The following DNER variants were observed in gnomAD, a reference collection of about 807,000 sequenced individuals.
The protein encoded by DNER is delta and Notch-like epidermal growth factor-related receptor.
DNER carries 33 observed loss-of-function variants against 78.2 expected under a neutral mutation model. The ratio of observed to expected loss-of-function variants is 0.42; its 90% CI spans 0.32 to 0.56. The LOEUF (loss-of-function observed/expected upper bound fraction) is 0.56. DNER is among the 20% of genes least tolerant of loss of function. The pLI is 0.11. For synonymous variants in DNER, 417 were observed against 384.8 expected (o/e 1.08, Z -0.98); for missense variants, 918 against 975.3 (o/e 0.94, Z 0.78).
chr2:229,547,176 T>C (rs1696644643), intron 4 of DNER, 84 bp from the exon 5 acceptor site: 10 of 1,538,894 alleles, frequency 6.5e-6, no homozygotes, highest in Non-Finnish European at 8.7e-6. Flanking sequence ...ACAGCCTTTC[T>C]ACAAGACTAT....
intron 10 of DNER, among the ~76,000 whole-genome samples, chr2:229,399,937 G>T (rs1305221667): frequency 2.0e-5 from 3 of 151,896 alleles, no homozygotes; most frequent in African/African-American, 7.2e-5. Context: ...AAAGGGGTCT[G>T]GGGGGGAGCT....
In DNER at chr2:229,358,136, C is replaced by T. The variant is rs954092930; in HGVS notation, c.*404G>A. ...GACTTCTTTTTAAGTAACGGGTATA[C>T]TCTATTATACATCATATGCTACGTT... On this transcript the variant is annotated 3_prime_UTR_variant, in exon 13 of 13. Transcript: ENST00000341772. 6.5e-6 allele frequency: 1 copy of T among 154,288 alleles called. No individual in the cohort carries two copies. The highest frequency in any genetic ancestry group is 2.4e-5 in the African/African-American group (1 of 41,468). The allele number at this position is 154,288 out of a possible 1,614,324, so 9.6% of individuals were successfully genotyped here. A position where few individuals can be genotyped will look rare whatever the true frequency, so the allele number is the denominator to read the frequency against.
At chr2:229,615,411 TA>T (rs765871543) in intron 1 of DNER, among the ~76,000 whole-genome samples, 2,757 of 116,410 alleles carry the variant, frequency 0.024, 71 homozygotes, top group African/African-American at 0.071. Context: ...AACTCCGTCT[TA>T]AAAAAAAAAA....
intron 6 of DNER, among the ~76,000 whole-genome samples, chr2:229,510,221 G>A (rs1020152396): frequency 2.6e-5 from 4 of 152,240 alleles, no homozygotes; most frequent in Non-Finnish European, 4.4e-5. Flanking sequence ...TCCTGGTGCA[G>A]AATGAGGCCA....
chr2:229,522,023 T>TA lies in DNER; in HGVS notation c.994-9088dup, dbSNP rs554085716. On this transcript the variant is annotated intron_variant, in intron 5 of 12. Transcript: ENST00000341772. ...TAATTGCAAATGTTGTAGCTTATTATAAAAAAAAAAGACAAGCGTAGAAAC... is the reference window on the plus strand; with the variant it reads ...TAATTGCAAATGTTGTAGCTTATTATAAAAAAAAAAAGACAAGCGTAGAAAC... Among the ~76,000 whole-genome samples the TA allele has an allele frequency of 2.0e-3, 292 of 148,038 alleles. 2 individuals carry two copies. Among genetic ancestry groups the TA allele is most frequent in the East Asian group, 4.7e-3 (24 of 5,080 alleles).
chr2:229,600,084 G>C (rs1436558411), intron 1 of DNER, among the ~76,000 whole-genome samples: 3 of 152,158 alleles, frequency 2.0e-5, no homozygotes, highest in Non-Finnish European at 4.4e-5. Context: ...TAGAAACCTG[G>C]ATCTTTCAAC....
chr2:229,362,997 C>T (rs73998208), intron 12 of DNER, among the ~76,000 whole-genome samples: 3,387 of 152,246 alleles, frequency 0.022, 111 homozygotes, highest in African/African-American at 0.077. Context: ...TGAACATGTC[C>T]TCCATTGTCT....
At chr2:229,646,678 C>T (rs1489598969) in intron 1 of DNER, among the ~76,000 whole-genome samples, 2 of 152,228 alleles carry the variant, frequency 1.3e-5, no homozygotes, top group Non-Finnish European at 2.9e-5. Context: ...TATTTTTGAC[C>T]TTGTGTTATT....
At chr2:229,362,625 A>G (rs938902478) in intron 12 of DNER, among the ~76,000 whole-genome samples, 1 of 152,198 alleles carries the variant, frequency 6.6e-6, no homozygotes. Flanking sequence ...GGGACTAATG[A>G]TACATGGTCC....
In DNER at chr2:229,418,307, C is replaced by T. The variant is rs1333955557; in HGVS notation, c.1487-77G>A. The T allele has an allele frequency of 3.2e-6, 5 of 1,587,228 alleles. No homozygotes were observed. In the African/African-American group the frequency reaches 6.7e-5, roughly 21 times the overall value. On this transcript the variant is annotated intron_variant, in intron 8 of 12. Transcript: ENST00000341772. ...ACGCGGGACCAGCCTGCAAGGAAGG[C>T]AGTTGGGGGTATTCATTAGAAAGTA...
intron 1 of DNER, among the ~76,000 whole-genome samples, chr2:229,636,808 A>G (rs960351830): frequency 6.6e-6 from 1 of 152,168 alleles, no homozygotes; most frequent in Non-Finnish European, 1.5e-5. Context: ...AGGAAGGCAC[A>G]GGTACCAGAT....
intron 6 of DNER, among the ~76,000 whole-genome samples, chr2:229,495,559 G>T (rs998274066): frequency 6.6e-6 from 1 of 152,202 alleles, no homozygotes; most frequent in South Asian, 2.1e-4. Flanking sequence ...AAGGCAGTCA[G>T]GCAGGAGGAA....
At chr2:229,496,628 G>A (rs1229517739) in intron 6 of DNER, among the ~76,000 whole-genome samples, 1 of 152,054 alleles carries the variant, frequency 6.6e-6, no homozygotes, top group African/African-American at 2.4e-5. Flanking sequence ...CATGCAAGTG[G>A]AAACCAAAAG....
chr2:229,492,238 G>C (rs995133795), intron 6 of DNER, among the ~76,000 whole-genome samples: 1 of 152,210 alleles, frequency 6.6e-6, no homozygotes, highest in African/African-American at 2.4e-5. Flanking sequence ...ACCAGAAGGA[G>C]TTAAGAAAGG....
At chr2:229,609,487 A>G (rs1430555673) in intron 1 of DNER, among the ~76,000 whole-genome samples, 2 of 152,242 alleles carry the variant, frequency 1.3e-5, no homozygotes, top group Non-Finnish European at 2.9e-5. Flanking sequence ...TTATTGAAAC[A>G]CAACCACACT....
intron 6 of DNER, among the ~76,000 whole-genome samples, chr2:229,509,745 A>T (rs1412630057): frequency 6.6e-6 from 1 of 152,126 alleles, no homozygotes; most frequent in Non-Finnish European, 1.5e-5. Context: ...AACCTGGAAG[A>T]CAGAGGTTGC....
chr2:229,531,906 G>A (rs913525128), intron 5 of DNER, among the ~76,000 whole-genome samples: 3 of 152,278 alleles, frequency 2.0e-5, no homozygotes, highest in South Asian at 4.1e-4. Flanking sequence ...GACACAAAAG[G>A]TCCATTCAAT....
chr2:229,531,403 A>G (rs565687999), intron 5 of DNER, among the ~76,000 whole-genome samples: 2 of 152,336 alleles, frequency 1.3e-5, no homozygotes, highest in Admixed American at 1.3e-4. Flanking sequence ...TTTTTTTCAT[A>G]AAACTCTGAT....
chr2:229,674,173 C>A (rs1400800533), intron 1 of DNER, among the ~76,000 whole-genome samples: 1 of 152,252 alleles, frequency 6.6e-6, no homozygotes, highest in Non-Finnish European at 1.5e-5. Flanking sequence ...TTTCTCTATA[C>A]CCTGCACACT....
Sources: gnomAD v4.1 joint callset for allele counts (sites outside exome capture counted in the v4.1 genomes callset) on GRCh38, gnomAD v4.1.1 for gene constraint, MANE v1.5 for transcripts, NCBI Gene and HGNC (gene_info 2026-07-23, HGNC 2026-07-21) for gene names.